Variants in FAM117B observed in about 807,000 individuals in gnomAD.
FAM117B encodes the protein family with sequence similarity 117 member B.
In FAM117B, 22 loss-of-function variants were observed where a neutral mutation model predicts 52.8. The observed-to-expected ratio is 0.42, with a 90% CI of 0.30 to 0.59. FAM117B has a LOEUF of 0.59. Ranked by LOEUF, FAM117B falls within the 20% of genes least tolerant of loss-of-function variation. The probability of loss-of-function intolerance (pLI) is 0.22; values close to 1 mark genes in which losing one functional copy is unlikely to be tolerated. For missense variants in FAM117B, 678 were observed against 802.6 expected, an observed-to-expected ratio of 0.84 and a Z score of 1.88; for synonymous variants, 309 against 324.1, an observed-to-expected ratio of 0.95 and a Z score of 0.50.
chr2:202,707,492 T>C (rs1471156697), intron 2 of FAM117B, among the ~76,000 whole-genome samples: 1 of 151,796 alleles, frequency 6.6e-6, no homozygotes, highest in African/African-American at 2.4e-5. Context: ...TCACTTGAGC[T>C]CAGGAGTTCA....
chr2:202,635,236 C>A lies in FAM117B; in HGVS notation c.49C>A (p.Leu17Ile). ...TGGGTCCCCCACGCCGGCCGGCTCC[C>A]TTGGGGGTGGTGCGGTGGCCACGGC... ...RNGSPTPAGS[L>I]GGGAVATAGG... Residue 17 changes from leucine to isoleucine, a missense_variant, in exon 1 of 8, where the codon CTT (leucine) becomes ATT (isoleucine). This residue lies in a region of FAM117B where 583 missense variants were observed against 644.8 expected (regional missense o/e 0.90). Transcript: ENST00000392238. The A allele has an allele frequency of 7.5e-7, 1 of 1,331,646 alleles. No homozygotes were observed. Among genetic ancestry groups the A allele is most frequent in the South Asian group, 1.9e-5 (1 of 52,188 alleles). The allele number at this position is 1,331,646 out of a possible 1,614,324, so 82.5% of individuals were successfully genotyped here. A position where few individuals can be genotyped will look rare whatever the true frequency, so the allele number is the denominator to read the frequency against.
chr2:202,664,887 G>A (rs144660071), intron 1 of FAM117B, among the ~76,000 whole-genome samples: 220 of 152,220 alleles, frequency 1.4e-3, no homozygotes, highest in African/African-American at 4.8e-3. Flanking sequence ...AACAATATCC[G>A]TTTATTATTT....
chr2:202,687,142 A>G (rs1690553275), intron 1 of FAM117B, among the ~76,000 whole-genome samples: 1 of 152,240 alleles, frequency 6.6e-6, no homozygotes. Flanking sequence ...TACATGCAAC[A>G]ACAAGCATGG....
At chr2:202,734,604 G>A (rs939445333) in intron 4 of FAM117B, among the ~76,000 whole-genome samples, 2 of 152,202 alleles carry the variant, frequency 1.3e-5, no homozygotes, top group Non-Finnish European at 2.9e-5. Context: ...GGCTTGAAGT[G>A]TTGAGTCCTG....
At chr2:202,677,159 C>T (rs1048823687) in intron 1 of FAM117B, among the ~76,000 whole-genome samples, 8 of 151,786 alleles carry the variant, frequency 5.3e-5, no homozygotes, top group Admixed American at 6.6e-5. Context: ...CCTCCGCCTC[C>T]GGGGTTTAAG....
intron 1 of FAM117B, among the ~76,000 whole-genome samples, chr2:202,692,595 C>A (rs1690652043): frequency 6.6e-6 from 1 of 152,294 alleles, no homozygotes; most frequent in South Asian, 2.1e-4. Context: ...AAAGGGATAA[C>A]ATTTCACTTA....
At chr2:202,725,299 C>CTTTTTTTT (rs11432596) in intron 3 of FAM117B, 2 of 148,216 alleles carry the variant, frequency 1.3e-5, no homozygotes, top group African/African-American at 2.7e-5. Flanking sequence ...CACATTTATT[C>CTTTTTTTT]TTTTTTTTTT....
chr2:202,665,751 C>T (rs529848193), intron 1 of FAM117B, among the ~76,000 whole-genome samples: 55 of 152,284 alleles, frequency 3.6e-4, no homozygotes, highest in Admixed American at 1.7e-3. Flanking sequence ...CAGGTGCATG[C>T]CACCATGCCT....
At chr2:202,708,219 G>A (rs966306791) in intron 2 of FAM117B, among the ~76,000 whole-genome samples, 1 of 152,088 alleles carries the variant, frequency 6.6e-6, no homozygotes, top group East Asian at 1.9e-4. Flanking sequence ...CCATTGGTTG[G>A]TAACTCTCTC....
chr2:202,659,602 T>A (rs1190627413), intron 1 of FAM117B, among the ~76,000 whole-genome samples: 6 of 132,748 alleles, frequency 4.5e-5, no homozygotes, highest in Non-Finnish European at 1.6e-5. Flanking sequence ...TGAGCCACCG[T>A]GCTTTTTTTT....
intron 7 of FAM117B, among the ~76,000 whole-genome samples, chr2:202,764,141 C>T (rs187265022): frequency 1.4e-4 from 21 of 152,326 alleles, no homozygotes; most frequent in African/African-American, 4.8e-4. Context: ...TGAAACACAG[C>T]TCTGTCCCCA....
chr2:202,758,903 A>G (rs1412820881), intron 6 of FAM117B, among the ~76,000 whole-genome samples: 2 of 152,198 alleles, frequency 1.3e-5, no homozygotes, highest in Admixed American at 6.5e-5. Context: ...TCAGCAACCA[A>G]TGAAGAACCA....
At chr2:202,709,871 C>T (rs1395231868) in intron 2 of FAM117B, among the ~76,000 whole-genome samples, 1 of 151,992 alleles carries the variant, frequency 6.6e-6, no homozygotes, top group African/African-American at 2.4e-5. Context: ...ATTCAGTTTC[C>T]CCAGCACCAT....
chr2:202,718,633 A>G (rs1358801920), intron 2 of FAM117B, among the ~76,000 whole-genome samples: 2 of 152,170 alleles, frequency 1.3e-5, no homozygotes, highest in Admixed American at 6.5e-5. Context: ...CTTTGCATCT[A>G]TATTTGTCAA....
intron 4 of FAM117B, among the ~76,000 whole-genome samples, chr2:202,727,563 A>G (rs896307424): frequency 5.3e-5 from 8 of 152,142 alleles, no homozygotes; most frequent in Admixed American, 5.2e-4. Context: ...ACAGTATGAC[A>G]ACTATTTACA....
In FAM117B at chr2:202,705,766, C is replaced by T. The variant is rs369020428; in HGVS notation, c.753+9734C>T. On this transcript the variant is annotated intron_variant, in intron 2 of 7. Coordinates refer to ENST00000392238, the MANE Select transcript of FAM117B (RefSeq NM_173511.4). ...AGCATTAGCTACCTATGTGGCAAAT[C>T]TATTAATTTGGTTTAAACTACCTGA... 3.3e-5 allele frequency among the ~76,000 whole-genome samples: 5 copies of T among 152,274 alleles called. 1 individual carries two copies. The highest frequency in any genetic ancestry group is 1.2e-4 in the African/African-American group (5 of 41,558).
rs191651496 is a variant in FAM117B at position 202,754,008 on chromosome 2, C to T, written c.961-1530C>T. ...CTAGAACCAGAAATACCATTTGACC[C>T]AGCAATCCCATTACTGAATATATAC... On this transcript the variant is annotated intron_variant, in intron 4 of 7. Transcript: ENST00000392238. Among the ~76,000 whole-genome samples, 13 of 152,214 alleles carry T rather than the reference C, an allele frequency of 8.5e-5. No homozygotes were observed. In the East Asian group the frequency reaches 2.3e-3, roughly 27 times the overall value.
Position 202,724,830 on chromosome 2 carries a change from G to C in FAM117B, c.754-87G>C, listed in dbSNP as rs1166369194. On this transcript the variant is annotated intron_variant, in intron 2 of 7. Transcript: ENST00000392238. Reference sequence around the variant, plus strand: ...TTTAATGTCTAATTTTTTTGTAATGGAAATATGTTTTATAATAGAAAAATA... The same window carrying C: ...TTTAATGTCTAATTTTTTTGTAATGCAAATATGTTTTATAATAGAAAAATA... 4.3e-6 allele frequency: 4 copies of C among 927,460 alleles called. No individual in the cohort carries two copies. In the African/African-American group the frequency reaches 6.8e-5, roughly 16 times the overall value. The allele number at this position is 927,460 out of a possible 1,614,324, so 57.5% of individuals were successfully genotyped here.
chr2:202,717,466 T>C (rs60014383), intron 2 of FAM117B, among the ~76,000 whole-genome samples: 42,105 of 151,916 alleles, frequency 0.28, 6,312 homozygotes, highest in East Asian at 0.54. Flanking sequence ...TGAGATCCTG[T>C]CTCAAAAAAA....
Sources: gnomAD v4.1 joint callset for allele counts (sites outside exome capture counted in the v4.1 genomes callset) on GRCh38, gnomAD v4.1.1 for gene constraint, gnomAD v4.1.1 regional missense constraint, MANE v1.5 for transcripts, NCBI Gene and HGNC (gene_info 2026-07-23, HGNC 2026-07-21) for gene names.